The following XIRP2 variants were observed in gnomAD, a reference collection of about 807,000 sequenced individuals.
XIRP2 encodes xin actin-binding repeat-containing protein 2.
XIRP2 carries 236 observed loss-of-function variants against 277.0 expected under a neutral mutation model. The ratio of observed to expected loss-of-function variants is 0.85; its 90% CI spans 0.77 to 0.95. The LOEUF is 0.95. Ranked by LOEUF, XIRP2 falls within the 40% of genes least tolerant of loss-of-function variation. XIRP2 has a pLI of 0.00. For missense variants in XIRP2, 4,640 were observed against 4,157.5 expected, an observed-to-expected ratio of 1.12 and a Z score of -3.19; for synonymous variants, 1,490 against 1,416.5, an observed-to-expected ratio of 1.05 and a Z score of -1.17.
intron 5 of XIRP2, among the ~76,000 whole-genome samples, chr2:167,223,275 T>A (rs1031448012): frequency 1.3e-5 from 2 of 152,038 alleles, no homozygotes; most frequent in African/African-American, 4.8e-5. Flanking sequence ...TTGGAAGTAA[T>A]AAGTGCAATC....
chr2:167,249,129 C>T lies in XIRP2; in HGVS notation c.7737C>T (p.His2579=). 6.2e-7 allele frequency: 1 copy of T among 1,613,734 alleles called. No individual in the cohort carries two copies. Among genetic ancestry groups the T allele is most frequent in the Non-Finnish European group, 8.5e-7 (1 of 1,179,800 alleles). Residue 2579 remains histidine (H), a synonymous_variant, in exon 9 of 11, where the codon CAC becomes CAT. Coordinates refer to ENST00000409195, the MANE Select transcript of XIRP2 (RefSeq NM_152381.6). ...NIVKTQSQNQ[H]ITEVEKEMPL... is the part of the protein sequence containing the mutation. ...TTAAAACTCAAAGCCAAAATCAACA[C>T]ATAACAGAGGTGGAAAAGGAAATGC...
At chr2:167,061,073 G>A (rs929174510) in intron 2 of XIRP2, among the ~76,000 whole-genome samples, 4 of 152,038 alleles carry the variant, frequency 2.6e-5, no homozygotes, top group Non-Finnish European at 4.4e-5. Context: ...AGTATTGAAT[G>A]TATATTGCTA....
At chr2:167,014,859 G>A (rs1394887497) in intron 2 of XIRP2, among the ~76,000 whole-genome samples, 1 of 151,660 alleles carries the variant, frequency 6.6e-6, no homozygotes, top group Non-Finnish European at 1.5e-5. Context: ...AGGTTACATG[G>A]CTAATAAGTA....
intron 2 of XIRP2, among the ~76,000 whole-genome samples, chr2:166,935,820 C>T (rs1685630104): frequency 1.3e-5 from 2 of 152,246 alleles, no homozygotes; most frequent in Admixed American, 1.3e-4. Flanking sequence ...CATTGATGGA[C>T]ATTTGGGTTG....
chr2:167,075,180 T>C lies in XIRP2; in HGVS notation c.409-60729T>C, dbSNP rs76711885. On this transcript the variant is annotated intron_variant, in intron 2 of 10. Coordinates refer to ENST00000409195, the MANE Select transcript of XIRP2 (RefSeq NM_152381.6). ...GTCTCTAGTGGTATTACATTTTTGG[T>C]TTTTTGTTTTGTTTTGTTTTGTTTT... Among the ~76,000 whole-genome samples the C allele has an allele frequency of 1.0e-3, 154 of 152,274 alleles. 2 individuals are homozygous for C. The East Asian group carries it at 0.028, about 28-fold the overall frequency.
At chr2:167,033,310 G>A (rs767660150) in intron 2 of XIRP2, among the ~76,000 whole-genome samples, 2 of 152,072 alleles carry the variant, frequency 1.3e-5, no homozygotes, top group African/African-American at 2.4e-5. Context: ...TTTAGGGGAA[G>A]GGTAGCATTA....
intron 2 of XIRP2, among the ~76,000 whole-genome samples, chr2:167,079,656 T>C (rs1689675791): frequency 6.6e-6 from 1 of 152,002 alleles, no homozygotes; most frequent in Non-Finnish European, 1.5e-5. Flanking sequence ...TGAGGATCTT[T>C]TTTATTTCTA....
intron 2 of XIRP2, among the ~76,000 whole-genome samples, chr2:167,075,537 C>T (rs982228374): frequency 7.9e-5 from 12 of 152,146 alleles, no homozygotes; most frequent in East Asian, 1.9e-4. Context: ...AAAGGTTTTG[C>T]GTCTTTGTCT....
chr2:166,987,578 C>G, intron 2 of XIRP2, among the ~76,000 whole-genome samples: 1 of 152,162 alleles, frequency 6.6e-6, no homozygotes, highest in East Asian at 1.9e-4. Context: ...ACATAATGAA[C>G]TTAGAAATAA....
At chr2:166,960,361 G>GT (rs1686270128) in intron 2 of XIRP2, among the ~76,000 whole-genome samples, 2 of 151,832 alleles carry the variant, frequency 1.3e-5, no homozygotes, top group South Asian at 4.1e-4. Flanking sequence ...TCAAATATTT[G>GT]TTAGAACAGT....
intron 3 of XIRP2, among the ~76,000 whole-genome samples, chr2:167,160,063 A>G (rs778769755): frequency 9.9e-5 from 15 of 152,182 alleles, no homozygotes; most frequent in Non-Finnish European, 1.9e-4. Flanking sequence ...TCTTATTCAT[A>G]TATATAGGCA....
At chr2:167,169,155 T>C (rs1320962995) in intron 3 of XIRP2, among the ~76,000 whole-genome samples, 3 of 152,236 alleles carry the variant, frequency 2.0e-5, no homozygotes, top group African/African-American at 7.2e-5. Context: ...GATTAGGCTC[T>C]GGTTAAATAG....
intron 2 of XIRP2, among the ~76,000 whole-genome samples, chr2:166,997,026 A>G (rs1347345370): frequency 6.6e-6 from 1 of 152,216 alleles, no homozygotes. Flanking sequence ...TATGACAGAA[A>G]AATGAATAAG....
At chr2:166,964,908 G>GT (rs1445614125) in intron 2 of XIRP2, among the ~76,000 whole-genome samples, 1 of 151,666 alleles carries the variant, frequency 6.6e-6, no homozygotes, top group Non-Finnish European at 1.5e-5. Context: ...CCAAAGGTTT[G>GT]TTTTTCTGTT....
Position 167,214,209 on chromosome 2 carries a change from G to A in XIRP2, c.723+3314G>A, listed in dbSNP as rs1216869945. ...GAAGGAAAGAGAGAGAGAAAGAGAG[G>A]GAGGGAGGGAGGGAGGGAGGAAGGA... On this transcript the variant is annotated intron_variant, in intron 4 of 10. Coordinates refer to ENST00000409195, the MANE Select transcript of XIRP2 (RefSeq NM_152381.6). Among the ~76,000 whole-genome samples, 8 of 89,838 alleles carry A rather than the reference G, an allele frequency of 8.9e-5. 1 individual carries two copies. The highest frequency in any genetic ancestry group is 1.6e-4 in the Non-Finnish European group (8 of 49,630). 58.9% of individuals were successfully genotyped at this position (89,838 alleles called of 152,430 possible). A position where few individuals can be genotyped will look rare whatever the true frequency, so the allele number is the denominator to read the frequency against.
intron 2 of XIRP2, among the ~76,000 whole-genome samples, chr2:166,970,409 G>GT (rs1686548991): frequency 6.6e-6 from 1 of 151,718 alleles, no homozygotes; most frequent in Non-Finnish European, 1.5e-5. Flanking sequence ...TTATAGTTTT[G>GT]TTTTTTTATT....
chr2:166,901,162 G>C lies in XIRP2; in HGVS notation c.-18-2303G>C, dbSNP rs1290208759. On this transcript the variant is annotated intron_variant, in intron 1 of 10. Coordinates refer to ENST00000409195, the MANE Select transcript of XIRP2 (RefSeq NM_152381.6). ...TGACACTTTTCAGCTTATTTGGCTA[G>C]AGAAAGCAGGTTTTCCTGGGGAAAT... Among the ~76,000 whole-genome samples, 3 of 152,206 alleles carry C rather than the reference G, an allele frequency of 2.0e-5. No individual in the cohort carries two copies. The East Asian group carries it at 5.8e-4, about 30-fold the overall frequency.
intron 2 of XIRP2, among the ~76,000 whole-genome samples, chr2:166,911,238 G>A (rs1167834344): frequency 1.3e-5 from 2 of 152,132 alleles, no homozygotes; most frequent in Non-Finnish European, 2.9e-5. Flanking sequence ...TTATTATTGT[G>A]TGGGAGTCTA....
At chr2:166,924,055 C>T (rs1481348012) in intron 2 of XIRP2, among the ~76,000 whole-genome samples, 3 of 151,968 alleles carry the variant, frequency 2.0e-5, no homozygotes, top group Non-Finnish European at 2.9e-5. Context: ...ATAAGCTGGA[C>T]ACTAATTAAG....
Sources: gnomAD v4.1 joint callset for allele counts (sites outside exome capture counted in the v4.1 genomes callset) on GRCh38, gnomAD v4.1.1 for gene constraint, MANE v1.5 for transcripts, NCBI Gene and HGNC (gene_info 2026-07-23, HGNC 2026-07-21) for gene names.